NUP62: variants seen among roughly 807,000 people sequenced by gnomAD.
NUP62 encodes the protein nuclear pore glycoprotein p62.
For missense variants in NUP62, 647 were observed against 689.4 expected (o/e 0.94, Z 0.69); for synonymous variants, 305 against 303.4 (o/e 1.01, Z -0.05).
chr19:49,917,367 A>C (rs1450943449), intron 2 of NUP62, among the ~76,000 whole-genome samples: 1 of 152,210 alleles, frequency 6.6e-6, no homozygotes, highest in Admixed American at 6.5e-5. Flanking sequence ...CTGCTTCTTA[A>C]CCGTCTCCTG....
chr19:49,915,601 C>T (rs1241412706), intron 2 of NUP62, among the ~76,000 whole-genome samples: 3 of 152,140 alleles, frequency 2.0e-5, no homozygotes, highest in African/African-American at 2.4e-5. Context: ...AAACCAATGG[C>T]GGTAGGTTGA....
At position 49,921,946 on chromosome 19, in the gene NUP62, C is replaced by T. The variant is rs1008258273; in HGVS notation, c.-78+5748G>A. On this transcript the variant is annotated intron_variant, in intron 2 of 2. Transcript: ENST00000352066. The surrounding 1 kb of genome is among the most constrained non-coding windows in gnomAD (Gnocchi z 5.4). ...CTTGGCAGGATGAGTGCATTTGCTGCGAGAAAGCAGCCCCGACGGCAGGGC... is the reference window on the plus strand; with the variant it reads ...CTTGGCAGGATGAGTGCATTTGCTGTGAGAAAGCAGCCCCGACGGCAGGGC... Among the ~76,000 whole-genome samples, 1 of 152,182 alleles carries T rather than the reference C, an allele frequency of 6.6e-6. No individual in the cohort carries two copies. Among genetic ancestry groups the T allele is most frequent in the Admixed American group, 6.5e-5 (1 of 15,284 alleles).
chr19:49,926,125 C>T (rs897987207), intron 2 of NUP62, among the ~76,000 whole-genome samples: 1 of 143,852 alleles, frequency 7.0e-6, no homozygotes, highest in Non-Finnish European at 1.5e-5. Flanking sequence ...AGGAGAATGG[C>T]TTGAACCTGG....
chr19:49,914,514 T>C (rs970962056), intron 2 of NUP62, among the ~76,000 whole-genome samples: 1 of 152,034 alleles, frequency 6.6e-6, no homozygotes, highest in African/African-American at 2.4e-5. Context: ...GCCCCAACAT[T>C]TACCCTTGAG....
rs1346815162 is a variant in NUP62, at chr19:49,929,477, G to C, written c.-351C>G. On this transcript the variant is annotated 5_prime_UTR_variant, in exon 1 of 3. Coordinates refer to ENST00000352066, the MANE Select transcript of NUP62 (RefSeq NM_016553.5). The stretch of plus-strand genomic sequence containing the variant: ...TCGTGGCCCTCTTTAGGGAGCCCTG[G>C]GGGGTGGGGAGTCGCGAGCGGGGAA... 2 of 152,542 alleles carry C rather than the reference G, an allele frequency of 1.3e-5. No individual in the cohort carries two copies. The highest frequency in any genetic ancestry group is 2.9e-5 in the Non-Finnish European group (2 of 68,300). The allele number at this position is 152,542 out of a possible 1,614,324, so 9.4% of individuals were successfully genotyped here. A position where few individuals can be genotyped will look rare whatever the true frequency, so the allele number is the denominator to read the frequency against.
intron 2 of NUP62, among the ~76,000 whole-genome samples, chr19:49,923,854 C>G (rs2075821148): frequency 6.6e-6 from 1 of 152,248 alleles, no homozygotes; most frequent in Non-Finnish European, 1.5e-5. Flanking sequence ...TGCTCTGACC[C>G]ACGCTGCGGA....
Position 49,921,469 on chromosome 19 carries a change from A to G in NUP62, c.-78+6225T>C, listed in dbSNP as rs997743992. Among the ~76,000 whole-genome samples the G allele has an allele frequency of 1.4e-4, 21 of 151,992 alleles. No homozygotes were observed. Among genetic ancestry groups the G allele is most frequent in the African/African-American group, 4.8e-4 (20 of 41,352 alleles). The stretch of plus-strand genomic sequence containing the variant: ...AGCCTGGGCTTCACTCTCAAATCCA[A>G]TTCAGGATGATCCGCCCGCCCCAGC... On this transcript the variant is annotated intron_variant, in intron 2 of 2. Coordinates refer to ENST00000352066, the MANE Select transcript of NUP62 (RefSeq NM_016553.5). This position sits in a 1 kb window ranked among gnomAD's most constrained non-coding sequence, Gnocchi z 5.4.
chr19:49,910,322 G>A (rs1233225384), intron 2 of NUP62, among the ~76,000 whole-genome samples: 5 of 152,086 alleles, frequency 3.3e-5, no homozygotes, highest in African/African-American at 9.7e-5. Context: ...GCCACCCTGA[G>A]GGCCTCTCTG....
In NUP62 at chr19:49,908,333, G is replaced by A. The variant is rs751050876; in HGVS notation, c.1475C>T (p.Ser492Leu). The A allele has an allele frequency of 3.7e-6, 6 of 1,613,960 alleles. No homozygotes were observed. Among genetic ancestry groups the A allele is most frequent in the Non-Finnish European group, 5.1e-6 (6 of 1,180,018 alleles). ...CTCCACCTTCCTCTGCAGCAGGGCCGAGTTCTGGTCGATCCACTGCAGTGA... is the reference window on the plus strand; with the variant it reads ...CTCCACCTTCCTCTGCAGCAGGGCCAAGTTCTGGTCGATCCACTGCAGTGA... ...MDSLQWIDQN[S>L]ALLQRKVEEV... is the part of the protein sequence containing the mutation. The change falls in exon 3 of 3, where the codon TCG becomes TTG. Residue 492 changes from serine (S) to leucine (L), a missense_variant. By Grantham distance (145) the Ser-to-Leu change is moderately radical. Coordinates refer to ENST00000352066, the MANE Select transcript of NUP62 (RefSeq NM_016553.5).
rs1199183948 is a variant in NUP62, at chr19:49,908,050, TG to T, written c.*188del. 18 of 1,301,082 alleles carry T rather than the reference TG, an allele frequency of 1.4e-5. No homozygotes were observed. Among genetic ancestry groups the T allele is most frequent in the Non-Finnish European group, 1.8e-5 (18 of 976,194 alleles). 80.6% of individuals were successfully genotyped at this position (1,301,082 alleles called of 1,614,324 possible). On this transcript the variant is annotated 3_prime_UTR_variant, in exon 3 of 3. Transcript: ENST00000352066. ...AAGCCACACCCATGAGGCTGCTGCCTGGGCAGAAGGCCCAGAATACCCTCCT... is the reference window on the plus strand; with the variant it reads ...AAGCCACACCCATGAGGCTGCTGCCTGGCAGAAGGCCCAGAATACCCTCCT...
chr19:49,908,229 C>A lies in NUP62; in HGVS notation c.*10G>T, dbSNP rs765043638. ...CCCTAGGGACCTGCGGGCCCCAGGG[C>A]TGCTGTCGCTCAGTCAAAGGTGATC... On this transcript the variant is annotated 3_prime_UTR_variant, in exon 3 of 3. Coordinates refer to ENST00000352066, the MANE Select transcript of NUP62 (RefSeq NM_016553.5). 3 of 1,612,108 alleles carry A rather than the reference C, an allele frequency of 1.9e-6. No individual in the cohort carries two copies. Among genetic ancestry groups the A allele is most frequent in the South Asian group, 2.2e-5 (2 of 91,060 alleles).
chr19:49,926,837 A>G (rs546145065), intron 2 of NUP62, among the ~76,000 whole-genome samples: 2 of 148,634 alleles, frequency 1.3e-5, no homozygotes, highest in African/African-American at 5.0e-5. Flanking sequence ...TCCTTGTAAC[A>G]GCCCTAAGAA....
At chr19:49,911,177 C>G (rs1357112814) in intron 2 of NUP62, 1 of 152,242 alleles carries the variant, frequency 6.6e-6, no homozygotes, top group Non-Finnish European at 1.5e-5. Context: ...GCCAGGACTA[C>G]AGGCGTGAGC....
rs1371954997 is a variant in NUP62, at chr19:49,915,364, TGA to T, written c.-77-5482_-77-5481del. 5.9e-5 allele frequency among the ~76,000 whole-genome samples: 9 copies of T among 152,272 alleles called. No homozygotes were observed. The South Asian group carries it at 1.0e-3, about 18-fold the overall frequency. On this transcript the variant is annotated intron_variant, in intron 2 of 2. Coordinates refer to ENST00000352066, the MANE Select transcript of NUP62 (RefSeq NM_016553.5). Reference sequence around the variant, plus strand: ...GAGATGTGCCTATGGAAGAATGGACTGAGAGACACTGTGCTGCTGGCTTTGAA... The same window carrying T: ...GAGATGTGCCTATGGAAGAATGGACTGAGACACTGTGCTGCTGGCTTTGAA...
chr19:49,912,143 A>G (rs1600511627), intron 2 of NUP62, among the ~76,000 whole-genome samples: 2 of 149,954 alleles, frequency 1.3e-5, no homozygotes, highest in Non-Finnish European at 3.0e-5. Context: ...TTCTATGGGG[A>G]CTTGTCTGGC....
intron 2 of NUP62, among the ~76,000 whole-genome samples, chr19:49,913,621 T>C (rs945619843): frequency 5.3e-5 from 8 of 152,232 alleles, no homozygotes; most frequent in African/African-American, 1.9e-4. Context: ...AGAGGAGAGC[T>C]GGAAGCTCGT....
rs112691127 is a variant in NUP62 at position 49,909,084 on chromosome 19, G to A, written c.724C>T (p.Pro242Ser). The A allele has an allele frequency of 2.5e-6, 4 of 1,612,576 alleles. No homozygotes were observed. Among genetic ancestry groups the A allele is most frequent in the Non-Finnish European group, 3.4e-6 (4 of 1,180,028 alleles). Residue 242 changes from proline (P) to serine (S), a missense_variant, in exon 3 of 3, where the codon CCT (proline) becomes TCT (serine). By Grantham distance (74) the Pro-to-Ser change is moderately conservative (BLOSUM62 -1). Transcript: ENST00000352066. ...GTGGGGGCGCCCGCTGTGGTCACAG[G>A]GGTACAGAGGGAGAGTCCAGTGGTG... Reference protein sequence around the residue: ...SATTGLSLCTPVTTAGAPTAG... With the variant: ...SATTGLSLCTSVTTAGAPTAG...
chr19:49,924,857 C>T (rs1231287314), intron 2 of NUP62, among the ~76,000 whole-genome samples: 2 of 152,156 alleles, frequency 1.3e-5, no homozygotes, highest in South Asian at 2.1e-4. Context: ...AGAGAAAAGG[C>T]GGCAAAACGG....
At chr19:49,910,177 C>CT (rs2075427956) in intron 2 of NUP62, among the ~76,000 whole-genome samples, 1 of 152,124 alleles carries the variant, frequency 6.6e-6, no homozygotes, top group Non-Finnish European at 1.5e-5. Context: ...CCACCTCAGC[C>CT]TGAGGAGATC....
Sources: allele counts gnomAD v4.1 joint callset (sites outside exome capture counted in the v4.1 genomes callset), GRCh38; gene constraint gnomAD v4.1.1; non-coding constraint Gnocchi (gnomAD v3.1); transcripts MANE v1.5; gene names NCBI Gene and HGNC (gene_info 2026-07-23, HGNC 2026-07-21).